Variants in ZC3H6 observed in about 807,000 individuals in gnomAD.
The protein encoded by ZC3H6 is zinc finger CCCH domain-containing protein 6.
In ZC3H6, 40 loss-of-function variants were observed where a neutral mutation model predicts 107.7. The observed-to-expected ratio is 0.37, with a 90% CI of 0.29 to 0.48. The LOEUF (loss-of-function observed/expected upper bound fraction) is 0.48. Among genes scored for constraint, ZC3H6 ranks in the 20% least tolerant of loss-of-function variants. The pLI, the probability that ZC3H6 is intolerant of heterozygous loss-of-function variation, is 0.98. For synonymous variants in ZC3H6, 493 were observed against 487.9 expected, an observed-to-expected ratio of 1.01 and a Z score of -0.14; for missense variants, 1,267 against 1,410.4, an observed-to-expected ratio of 0.90 and a Z score of 1.63.
At chr2:112,314,302 G>A (rs1676650575) in intron 5 of ZC3H6, among the ~76,000 whole-genome samples, 1 of 151,786 alleles carries the variant, frequency 6.6e-6, no homozygotes, top group Non-Finnish European at 1.5e-5. Flanking sequence ...ATATCTTCTG[G>A]GCACTTAATT....
At chr2:112,322,074 T>C (rs544330965) in intron 8 of ZC3H6, among the ~76,000 whole-genome samples, 1 of 149,106 alleles carries the variant, frequency 6.7e-6, no homozygotes, top group Admixed American at 6.7e-5. Flanking sequence ...CCATTTCAAC[T>C]TTTTTTTTTC....
At chr2:112,316,126 T>C (rs939998852) in intron 5 of ZC3H6, among the ~76,000 whole-genome samples, 1 of 152,208 alleles carries the variant, frequency 6.6e-6, no homozygotes, top group South Asian at 2.1e-4. Flanking sequence ...ATATGGATAT[T>C]TTAAAGTCTT....
rs1468584783 is a variant in ZC3H6, at chr2:112,336,192, G to C, written c.*3704G>C. On this transcript the variant is annotated 3_prime_UTR_variant, in exon 12 of 12. Coordinates refer to ENST00000409871, the MANE Select transcript of ZC3H6 (RefSeq NM_198581.3). ...GAAGCTCCTAGGGACCAGGATATGA[G>C]ATCTTAAAGAGGCTGTCAGAATCTC... is the stretch of plus-strand genomic sequence containing the variant. The C allele has an allele frequency of 6.6e-6, 1 of 152,200 alleles. No homozygotes were observed. Among genetic ancestry groups the C allele is most frequent in the Non-Finnish European group, 1.5e-5 (1 of 68,042 alleles). The allele number at this position is 152,200 out of a possible 1,614,324, so 9.4% of individuals were successfully genotyped here.
chr2:112,280,273 C>T (rs1193171040), intron 1 of ZC3H6, among the ~76,000 whole-genome samples: 1 of 152,106 alleles, frequency 6.6e-6, no homozygotes, highest in Non-Finnish European at 1.5e-5. Context: ...ACTTCTGATT[C>T]CTGAATCCAC....
intron 1 of ZC3H6, among the ~76,000 whole-genome samples, chr2:112,279,075 A>C (rs1573942640): frequency 6.6e-6 from 1 of 152,358 alleles, no homozygotes; most frequent in East Asian, 1.9e-4. Context: ...AAATACTTCT[A>C]ATTCTACTTG....
intron 11 of ZC3H6, among the ~76,000 whole-genome samples, chr2:112,328,733 G>T (rs1283256068): frequency 2.0e-5 from 3 of 152,252 alleles, no homozygotes; most frequent in Non-Finnish European, 2.9e-5. Context: ...GAGGTCAAGA[G>T]ATCGAGACCA....
At position 112,275,950 on chromosome 2, in the gene ZC3H6, G is replaced by T; in HGVS notation, c.-45G>T. On this transcript the variant is annotated 5_prime_UTR_variant, in exon 1 of 12. Coordinates refer to ENST00000409871, the MANE Select transcript of ZC3H6 (RefSeq NM_198581.3). ...TCTTCCCCGCGCCCCGCCGCCGCCGGCCTCGCAGACCTGCCCTCCAGCCCC... is the reference window on the plus strand; with the variant it reads ...TCTTCCCCGCGCCCCGCCGCCGCCGTCCTCGCAGACCTGCCCTCCAGCCCC... 1 of 1,505,898 alleles carries T rather than the reference G, an allele frequency of 6.6e-7. No individual in the cohort carries two copies. The highest frequency in any genetic ancestry group is 8.9e-7 in the Non-Finnish European group (1 of 1,127,274). The allele number at this position is 1,505,898 out of a possible 1,614,324, so 93.3% of individuals were successfully genotyped here.
At chr2:112,289,880 A>C (rs1676068903) in intron 1 of ZC3H6, among the ~76,000 whole-genome samples, 1 of 152,008 alleles carries the variant, frequency 6.6e-6, no homozygotes. Context: ...GGCTGGAGCC[A>C]CAGCCACGCA....
At chr2:112,279,829 A>G (rs1256902092) in intron 1 of ZC3H6, among the ~76,000 whole-genome samples, 1 of 152,240 alleles carries the variant, frequency 6.6e-6, no homozygotes, top group Non-Finnish European at 1.5e-5. Context: ...AATACAACCT[A>G]GATAAGAACC....
Position 112,275,662 on chromosome 2 carries a change from C to G in ZC3H6, c.-333C>G. ...GGTGAGGAGAAATCACCGTTACGGCCACTGTCCAAATCCCCGCGTCGCTGC... is the reference window on the plus strand; with the variant it reads ...GGTGAGGAGAAATCACCGTTACGGCGACTGTCCAAATCCCCGCGTCGCTGC... On this transcript the variant is annotated 5_prime_UTR_variant, in exon 1 of 12. Transcript: ENST00000409871. The G allele has an allele frequency of 2.5e-6, 1 of 405,420 alleles. No homozygotes were observed. The highest frequency in any genetic ancestry group is 4.4e-6 in the Non-Finnish European group (1 of 228,894). The allele number at this position is 405,420 out of a possible 1,614,324, so 25.1% of individuals were successfully genotyped here.
chr2:112,302,739 A>C (rs1558950565), intron 2 of ZC3H6, among the ~76,000 whole-genome samples: 1 of 152,064 alleles, frequency 6.6e-6, no homozygotes, highest in Non-Finnish European at 1.5e-5. Context: ...ACTTTTGTTC[A>C]ATTTTGTGGG....
intron 7 of ZC3H6, among the ~76,000 whole-genome samples, chr2:112,317,603 G>A (rs1456123864): frequency 6.6e-6 from 1 of 152,138 alleles, no homozygotes. Flanking sequence ...TCAAGAGATT[G>A]TGCTTCCTGA....
At position 112,305,820 on chromosome 2, in the gene ZC3H6, G is replaced by T. The variant is rs570117521; in HGVS notation, c.336+2469G>T. Among the ~76,000 whole-genome samples the T allele has an allele frequency of 5.9e-5, 9 of 152,248 alleles. No individual in the cohort carries two copies. In the South Asian group the frequency reaches 1.9e-3, roughly 32 times the overall value. On this transcript the variant is annotated intron_variant, in intron 3 of 11. Coordinates refer to ENST00000409871, the MANE Select transcript of ZC3H6 (RefSeq NM_198581.3). The stretch of plus-strand genomic sequence containing the variant: ...GTCATAATTTCAGGCTTACAAAAAA[G>T]TTGCAAGAATGGTGCAGAGAACTCC...
At chr2:112,322,327 C>T (rs1457993566) in intron 8 of ZC3H6, among the ~76,000 whole-genome samples, 1 of 151,846 alleles carries the variant, frequency 6.6e-6, no homozygotes, top group Non-Finnish European at 1.5e-5. Context: ...TTGCCAACCC[C>T]CTGCCCTGCA....
chr2:112,308,139 T>C (rs1676512128), intron 3 of ZC3H6, among the ~76,000 whole-genome samples: 1 of 152,128 alleles, frequency 6.6e-6, no homozygotes, highest in Non-Finnish European at 1.5e-5. Context: ...TCAGAAACAC[T>C]GTTTTGGCTA....
At chr2:112,317,198 C>CTTTTTTTTT (rs564035069) in intron 6 of ZC3H6, 23 bp from the exon 7 acceptor site, 149 of 1,027,696 alleles carry the variant, frequency 1.4e-4, no homozygotes, top group South Asian at 1.2e-3. Context: ...TTTCTTTTTT[C>CTTTTTTTTT]TTTTTTTTTT....
intron 1 of ZC3H6, among the ~76,000 whole-genome samples, chr2:112,295,896 A>G (rs1676222862): frequency 6.6e-6 from 1 of 152,190 alleles, no homozygotes. Flanking sequence ...GTTTTTAAAT[A>G]GCTCTAGTTA....
chr2:112,285,198 G>A (rs182642519), intron 1 of ZC3H6, among the ~76,000 whole-genome samples: 18 of 152,078 alleles, frequency 1.2e-4, no homozygotes, highest in Admixed American at 2.6e-4. Context: ...TACATAAATA[G>A]CATTCATAAT....
rs1347124442 is a variant in ZC3H6, at chr2:112,325,072, C to T, written c.1961C>T (p.Pro654Leu). Residue 654 changes from proline (P) to leucine (L), a missense_variant, in exon 11 of 12, where the codon CCT becomes CTT. Transcript: ENST00000409871. ...AGCAGCACTAGGACAGGCCATGGCC[C>T]TCTGCCTGTACCAGGCCTCCTCCCT... is the stretch of plus-strand genomic sequence containing the variant. ...DGSSTRTGHG[P>L]LPVPGLLPAV... The T allele has an allele frequency of 1.1e-5, 17 of 1,613,862 alleles. No individual in the cohort carries two copies. The highest frequency in any genetic ancestry group is 8.3e-5 in the Admixed American group (5 of 59,992).
Sources: gnomAD v4.1 joint callset for allele counts (sites outside exome capture counted in the v4.1 genomes callset) on GRCh38, gnomAD v4.1.1 for gene constraint, MANE v1.5 for transcripts, NCBI Gene and HGNC (gene_info 2026-07-23, HGNC 2026-07-21) for gene names.